Variants in RBMX observed in about 807,000 individuals in gnomAD.
RBMX encodes RNA-binding motif protein, X chromosome.
RBMX carries 1 observed loss-of-function variant against 29.3 expected under a neutral mutation model. That is an observed-to-expected ratio of 0.03 (90% CI 0.01 to 0.16). The LOEUF is 0.16. Among genes scored for constraint, RBMX ranks in the 10% least tolerant of loss-of-function variants. The probability of loss-of-function intolerance (pLI) is 1.00; values close to 1 mark genes in which losing one functional copy is unlikely to be tolerated. For missense variants in RBMX, 121 were observed against 333.2 expected (o/e 0.36, Z 4.96); for synonymous variants, 102 against 102.3 (o/e 1.00, Z 0.02).
At chrX:136,874,661 C>A in intron 8 of RBMX, 1 of 479,331 alleles carries the variant, frequency 2.1e-6, no homozygotes, top group Non-Finnish European at 3.4e-6. Context: ...TTTGAAAAGA[C>A]TGAAGACGGT....
intron 3 of RBMX, among the ~76,000 whole-genome samples, chrX:136,878,462 G>A (rs764388881): frequency 1.8e-5 from 2 of 110,347 alleles, no homozygotes; most frequent in African/African-American, 3.3e-5. Flanking sequence ...TTGGCTGGGC[G>A]CAGTGGCTCG....
At position 136,879,227 on chromosome X, in the gene RBMX, T is replaced by C. The variant is rs775603842; in HGVS notation, c.109+92A>G. The C allele has an allele frequency of 2.8e-5, 33 of 1,193,203 alleles. No individual in the cohort carries two copies. The Middle Eastern group carries it at 1.2e-3, about 42-fold the overall frequency. On this transcript the variant is annotated intron_variant, in intron 2 of 8. Coordinates refer to ENST00000320676, the MANE Select transcript of RBMX (RefSeq NM_002139.4). ...CTCAGAACTTCTTAGAGGACAAAAA[T>C]ACATTATCATGTCAGACGATCAATG...
intron 4 of RBMX, among the ~76,000 whole-genome samples, chrX:136,877,374 G>A (rs2077744167): frequency 1.1e-5 from 1 of 91,270 alleles, no homozygotes; most frequent in Non-Finnish European, 2.1e-5. Context: ...GGGTAGTCTA[G>A]TTTCACTTGT....
At chrX:136,871,368 C>T (rs1372613603), downstream of RBMX, among the ~76,000 whole-genome samples, 2 of 98,802 alleles carry the variant, frequency 2.0e-5, no homozygotes, top group African/African-American at 7.5e-5. Context: ...GGCGTGAACC[C>T]GGGAGGCAGA....
At chrX:136,879,286 T>A in intron 2 of RBMX, 33 bp downstream of exon 2, 1 of 1,201,953 alleles carries the variant, frequency 8.3e-7, no homozygotes, top group Non-Finnish European at 1.1e-6. Flanking sequence ...ATTTTAATTA[T>A]AATAGCCCAG....
In RBMX at chrX:136,873,954, CAAAT is replaced by C; in HGVS notation, c.*184_*187del. 1.9e-6 allele frequency: 2 copies of C among 1,077,567 alleles called. No homozygotes were observed. The highest frequency in any genetic ancestry group is 1.2e-6 in the Non-Finnish European group (1 of 832,746). The allele number at this position is 1,077,567 out of a possible 1,213,427, so 88.8% of individuals were successfully genotyped here. ...GCTTGTTGAAAAGCAATGCGAAAGT[CAAAT>C]AAAATTAAACATGTTTTACTTTTTT... On this transcript the variant is annotated 3_prime_UTR_variant, in exon 9 of 9. Coordinates refer to ENST00000320676, the MANE Select transcript of RBMX (RefSeq NM_002139.4).
At chrX:136,879,577 G>C (rs2077776394) in intron 1 of RBMX, 124 bp from the exon 2 acceptor site, 5 of 595,100 alleles carry the variant, frequency 8.4e-6, no homozygotes, top group East Asian at 7.2e-5. Flanking sequence ...TAAAGAAAAC[G>C]ATAACGAGCT....
Position 136,875,633 on chromosome X carries a change from A to G in RBMX, c.542-48T>C, listed in dbSNP as rs1479051920. 4 of 1,184,303 alleles carry G rather than the reference A, an allele frequency of 3.4e-6. No individual in the cohort carries two copies. The South Asian group carries it at 7.6e-5, about 23-fold the overall frequency. ...TTAAACATAGCCAGAGAAAAAAGTTAAAACGTGAACTTACATTCAGGCTAT... is the reference window on the plus strand; with the variant it reads ...TTAAACATAGCCAGAGAAAAAAGTTGAAACGTGAACTTACATTCAGGCTAT... On this transcript the variant is annotated intron_variant, in intron 5 of 8. Transcript: ENST00000320676.
At chrX:136,869,482 T>A (rs1287458357), downstream of RBMX, 1 of 111,489 alleles carries the variant, frequency 9.0e-6, no homozygotes, top group East Asian at 2.8e-4. Context: ...TATCTAAATA[T>A]CTTAAATATT....
intron 4 of RBMX, 45 bp downstream of exon 4, chrX:136,877,870 G>A (rs559715038): frequency 9.1e-7 from 1 of 1,098,328 alleles, no homozygotes; most frequent in South Asian, 2.6e-5. Flanking sequence ...TGAGCTTGCA[G>A]TCCCTAACTT....
downstream of RBMX, chrX:136,869,549 A>T (rs1432477066): frequency 8.9e-6 from 1 of 111,994 alleles, no homozygotes; most frequent in East Asian, 2.8e-4. Flanking sequence ...AGTAATCGTA[A>T]GAGTATAGAA....
downstream of RBMX, among the ~76,000 whole-genome samples, chrX:136,871,971 T>C (rs1180728998): frequency 1.8e-5 from 2 of 111,135 alleles, no homozygotes; most frequent in African/African-American, 6.6e-5. Context: ...TTCTTACGTG[T>C]GTACTTCCTT....
intron 1 of RBMX, among the ~76,000 whole-genome samples, chrX:136,880,300 G>A (rs1224883574): frequency 8.9e-6 from 1 of 112,073 alleles, no homozygotes; most frequent in Non-Finnish European, 1.9e-5. Context: ...TAGCGCCAGC[G>A]CCATACCAAT....
rs775811129 is a variant in RBMX at position 136,878,051 on chromosome X, G to A, written c.252C>T (p.Ala84=). ...LDGKAIKVEQ[A]TKPSFESGRR... ...TACCACTTTCAAATGATGGTTTGGTGGCTTGTTCCACCTTGATGGCTTTTC... is the reference window on the plus strand; with the variant it reads ...TACCACTTTCAAATGATGGTTTGGTAGCTTGTTCCACCTTGATGGCTTTTC... The change falls in exon 4 of 9, where the codon GCC becomes GCT. Residue 84 remains alanine, a synonymous_variant. Transcript: ENST00000320676. 2.5e-6 allele frequency: 3 copies of A among 1,204,680 alleles called. No homozygotes were observed. Among genetic ancestry groups the A allele is most frequent in the East Asian group, 5.9e-5 (2 of 33,668 alleles).
rs2077790404 is a variant in RBMX, at chrX:136,880,663, C to T, written c.-93G>A. ...ATAGGGGCTTCCTAGCAGCTCAGCA[C>T]CAGTGGCGGCTGCCGGGTGCGAGGA... On this transcript the variant is annotated 5_prime_UTR_variant, in exon 1 of 9. It adds an upstream start codon to the 5' untranslated region. Transcript: ENST00000320676. 8.1e-6 allele frequency: 1 copy of T among 124,137 alleles called. No homozygotes were observed. The highest frequency in any genetic ancestry group is 1.8e-5 in the Non-Finnish European group (1 of 54,894). The allele number at this position is 124,137 out of a possible 1,213,427, so 10.2% of individuals were successfully genotyped here.
rs1277585896 is a variant in RBMX at position 136,878,036 on chromosome X, A to G, written c.267T>C (p.Phe89=). The part of the protein sequence containing the change: ...IKVEQATKPS[F]ESGRRGPPPP... ...GAGGCGGTCCACGTCTACCACTTTC[A>G]AATGATGGTTTGGTGGCTTGTTCCA... is the stretch of plus-strand genomic sequence containing the variant. The change falls in exon 4 of 9, where the codon TTT becomes TTC. Residue 89 remains phenylalanine (F), a synonymous_variant. Coordinates refer to ENST00000320676, the MANE Select transcript of RBMX (RefSeq NM_002139.4). 4 of 1,209,419 alleles carry G rather than the reference A, an allele frequency of 3.3e-6. No individual in the cohort carries two copies. The highest frequency in any genetic ancestry group is 4.5e-6 in the Non-Finnish European group (4 of 894,041).
chrX:136,878,443 T>G (rs941835727), intron 3 of RBMX, among the ~76,000 whole-genome samples: 4 of 109,820 alleles, frequency 3.6e-5, no homozygotes, highest in Non-Finnish European at 1.9e-5. Context: ...CAAGATAAAA[T>G]GTATCATGTT....
Position 136,875,452 on chromosome X carries a change from A to C in RBMX, c.656+19T>G. 1 of 1,208,730 alleles carries C rather than the reference A, an allele frequency of 8.3e-7. No homozygotes were observed. Among genetic ancestry groups the C allele is most frequent in the Non-Finnish European group, 1.1e-6 (1 of 894,415 alleles). ...TTCAACCTTAATTATTAATTTAAAA[A>C]GCTGCACTTTTCTATTACCTGTCTT... On this transcript the variant is annotated intron_variant, in intron 6 of 8. Transcript: ENST00000320676.
chrX:136,871,169 A>G (rs2077681987), downstream of RBMX, among the ~76,000 whole-genome samples: 1 of 107,982 alleles, frequency 9.3e-6, no homozygotes, highest in Non-Finnish European at 1.9e-5. Context: ...ATAGGCGGCC[A>G]GGTGCGGTGG....
Sources: gnomAD v4.1 joint callset for allele counts (sites outside exome capture counted in the v4.1 genomes callset) on GRCh38, gnomAD v4.1.1 for gene constraint, MANE v1.5 for transcripts, NCBI Gene and HGNC (gene_info 2026-07-23, HGNC 2026-07-21) for gene names.